Variants in FRMPD3 observed in about 807,000 individuals in gnomAD.
FRMPD3 encodes the protein FERM and PDZ domain containing 3.
In FRMPD3, 42 loss-of-function variants were observed where a neutral mutation model predicts 97.9. The observed-to-expected ratio is 0.43, with a 90% CI of 0.34 to 0.55. FRMPD3 has a LOEUF of 0.55. Among genes scored for constraint, FRMPD3 ranks in the 20% least tolerant of loss-of-function variants. The pLI is 0.03. For synonymous variants in FRMPD3, 577 were observed against 581.1 expected (o/e 0.99, Z 0.10); for missense variants, 1,303 against 1,457.7 (o/e 0.89, Z 1.73).
intron 13 of FRMPD3, among the ~76,000 whole-genome samples, chrX:107,581,744 T>C (rs1390039578): frequency 1.8e-5 from 2 of 111,698 alleles, no homozygotes; most frequent in Non-Finnish European, 1.9e-5. Flanking sequence ...TTTGTGTAAA[T>C]GGAATAATAA....
At chrX:107,579,777 G>GA (rs1923298420) in intron 13 of FRMPD3, among the ~76,000 whole-genome samples, 1 of 110,705 alleles carries the variant, frequency 9.0e-6, no homozygotes, top group Non-Finnish European at 1.9e-5. Flanking sequence ...GGTAATCCAG[G>GA]AAAAAAAGGC....
In FRMPD3 at chrX:107,597,649, T is replaced by C; in HGVS notation, c.1770T>C (p.Cys590=). The change falls in exon 14 of 15, where the codon TGT becomes TGC. Residue 590 remains cysteine (C), a synonymous_variant. Transcript: ENST00000683843. Reference sequence around the variant, plus strand: ...CAGCTAGCCTAGACCACGAGCCTTGTGCCAGCAGGGCCCGGTCCTACACCT... The same window carrying C: ...CAGCTAGCCTAGACCACGAGCCTTGCGCCAGCAGGGCCCGGTCCTACACCT... The part of the protein sequence containing the change: ...FDAASLDHEP[C]ASRARSYTLD... The C allele has an allele frequency of 3.3e-6, 4 of 1,210,811 alleles. No individual in the cohort carries two copies. The highest frequency in any genetic ancestry group is 4.5e-6 in the Non-Finnish European group (4 of 895,379).
intron 1 of FRMPD3, among the ~76,000 whole-genome samples, chrX:107,522,920 G>C: frequency 9.1e-6 from 1 of 109,633 alleles, no homozygotes; most frequent in Non-Finnish European, 1.9e-5. Context: ...AAACCTCGTG[G>C]GGTGGCGGGG....
chrX:107,544,796 C>T (rs1033589894), intron 4 of FRMPD3: 3 of 111,542 alleles, frequency 2.7e-5, no homozygotes, highest in Admixed American at 1.9e-4. Flanking sequence ...TTTTCAAGAA[C>T]TAAAAAGCCA....
chrX:107,495,176 C>T (rs940642577), intron 1 of FRMPD3, among the ~76,000 whole-genome samples: 5 of 111,685 alleles, frequency 4.5e-5, no homozygotes, highest in African/African-American at 9.8e-5. Context: ...GACCTTTGCA[C>T]GTGCTACTCC....
chrX:107,496,400 A>G (rs1386810655), intron 1 of FRMPD3, among the ~76,000 whole-genome samples: 1 of 111,820 alleles, frequency 8.9e-6, no homozygotes, highest in Non-Finnish European at 1.9e-5. Context: ...GAGAGTGGCC[A>G]TAGGCAGCAA....
chrX:107,514,333 A>T (rs1180867394), intron 1 of FRMPD3, among the ~76,000 whole-genome samples: 1 of 110,848 alleles, frequency 9.0e-6, no homozygotes, highest in African/African-American at 3.3e-5. Context: ...GAGTGACAGG[A>T]TCTGATATGG....
chrX:107,525,428 T>G (rs1922659128), intron 1 of FRMPD3, among the ~76,000 whole-genome samples: 1 of 112,711 alleles, frequency 8.9e-6, no homozygotes, highest in Admixed American at 9.4e-5. Context: ...GACCCCTTCT[T>G]GCCTGCAGTA....
Position 107,604,295 on chromosome X carries a change from G to A in FRMPD3, c.*922G>A, listed in dbSNP as rs975403719. On this transcript the variant is annotated 3_prime_UTR_variant, in exon 15 of 15. Transcript: ENST00000683843. ...GGATCGGGGAGGGGGGTGGGGGGAGGGGGGAAAGGGGTAGGGGTGGGGGGT... is the reference window on the plus strand; with the variant it reads ...GGATCGGGGAGGGGGGTGGGGGGAGAGGGGAAAGGGGTAGGGGTGGGGGGT... 2.6e-5 allele frequency: 2 copies of A among 77,242 alleles called. No individual in the cohort carries two copies. The highest frequency in any genetic ancestry group is 9.6e-5 in the African/African-American group (2 of 20,744). 6.4% of individuals were successfully genotyped at this position (77,242 alleles called of 1,213,427 possible). A position where few individuals can be genotyped will look rare whatever the true frequency, so the allele number is the denominator to read the frequency against.
chrX:107,591,803 G>T (rs1923915472), intron 13 of FRMPD3, among the ~76,000 whole-genome samples: 1 of 110,827 alleles, frequency 9.0e-6, no homozygotes, highest in South Asian at 3.8e-4. Context: ...TATTTGTGGG[G>T]TACACGAGAT....
intron 1 of FRMPD3, among the ~76,000 whole-genome samples, chrX:107,469,613 C>T (rs1674007388): frequency 8.9e-6 from 1 of 112,581 alleles, no homozygotes; most frequent in African/African-American, 3.2e-5. Context: ...GTGGACTTCC[C>T]ATGAGTAATA....
chrX:107,540,986 G>C (rs764441420), intron 4 of FRMPD3, among the ~76,000 whole-genome samples: 24 of 112,877 alleles, frequency 2.1e-4, no homozygotes, highest in African/African-American at 7.4e-4. Flanking sequence ...CATATAATAA[G>C]TATTTTAGGC....
At chrX:107,487,158 G>A (rs1231974528) in intron 1 of FRMPD3, among the ~76,000 whole-genome samples, 1 of 110,947 alleles carries the variant, frequency 9.0e-6, no homozygotes, top group Non-Finnish European at 1.9e-5. Flanking sequence ...GGAGGCTGAG[G>A]CAGGAGAATT....
intron 13 of FRMPD3, among the ~76,000 whole-genome samples, chrX:107,584,850 C>T (rs930823684): frequency 8.1e-5 from 9 of 111,417 alleles, no homozygotes; most frequent in Non-Finnish European, 1.5e-4. Flanking sequence ...ACTGTAGCCT[C>T]GTAGTATAGT....
intron 1 of FRMPD3, among the ~76,000 whole-genome samples, chrX:107,460,994 C>G (rs780035835): frequency 1.3e-3 from 142 of 112,242 alleles, no homozygotes; most frequent in Non-Finnish European, 2.2e-3. Flanking sequence ...AACAGACCCA[C>G]TAGTCCGCTG....
At chrX:107,534,372 C>T (rs914966166) in intron 4 of FRMPD3, among the ~76,000 whole-genome samples, 1 of 110,993 alleles carries the variant, frequency 9.0e-6, no homozygotes, top group Non-Finnish European at 1.9e-5. Flanking sequence ...CAGTCCTCTG[C>T]ACCCCAGCAT....
chrX:107,590,936 T>G (rs1025639546), intron 13 of FRMPD3, among the ~76,000 whole-genome samples: 7 of 111,671 alleles, frequency 6.3e-5, no homozygotes, highest in Non-Finnish European at 1.9e-5. Flanking sequence ...CTCTCCTCTT[T>G]TGATTTTTGG....
intron 4 of FRMPD3, among the ~76,000 whole-genome samples, chrX:107,543,983 C>T (rs1368342271): frequency 9.0e-6 from 1 of 111,187 alleles, no homozygotes; most frequent in South Asian, 3.8e-4. Flanking sequence ...TGTCTGCCAT[C>T]AACAGATGAA....
chrX:107,601,489 T>C lies in FRMPD3; in HGVS notation c.3450T>C (p.His1150=). The change falls in exon 15 of 15, where the codon CAT becomes CAC. Residue 1150 remains histidine, a synonymous_variant. Transcript: ENST00000683843. ...SRSHSPSCQP[H]GHSPSSQSRG... ...GCCACAGCCCCAGCTGCCAGCCTCA[T>C]GGCCACAGCCCCAGCAGCCAGTCTC... The C allele has an allele frequency of 8.5e-7, 1 of 1,170,111 alleles. No homozygotes were observed. Among genetic ancestry groups the C allele is most frequent in the South Asian group, 1.9e-5 (1 of 53,089 alleles).
Sources: gnomAD v4.1 joint callset for allele counts (sites outside exome capture counted in the v4.1 genomes callset) on GRCh38, gnomAD v4.1.1 for gene constraint, MANE v1.5 for transcripts, NCBI Gene and HGNC (gene_info 2026-07-23, HGNC 2026-07-21) for gene names.